Variants in USP6NL observed in about 807,000 individuals in gnomAD.
The protein encoded by USP6NL is USP6 N-terminal like, also known as USP6 N-terminal-like protein.
A neutral mutation model predicts 61.9 loss-of-function variants in USP6NL; 26 were observed. The ratio of observed to expected loss-of-function variants is 0.42; its 90% confidence interval spans 0.31 to 0.58. The LOEUF (loss-of-function observed/expected upper bound fraction) is 0.58. Among genes scored for constraint, USP6NL ranks in the 20% least tolerant of loss-of-function variants. The pLI is 0.16. For missense variants in USP6NL, 1,114 were observed against 1,034.3 expected (o/e 1.08, Z -1.06); for synonymous variants, 432 against 390.1 (o/e 1.11, Z -1.27).
rs147551228 is a variant in USP6NL, at chr10:11,586,706, A to C, written c.4+10925T>G. ...TTAATGTTGTGGTTAACAACAAGAA[A>C]AGGGGGTTGTGGAAAATGAAGAAAA... is the stretch of plus-strand genomic sequence containing the variant. On this transcript the variant is annotated intron_variant, in intron 2 of 14. Transcript: ENST00000609104. 7.5e-3 allele frequency among the ~76,000 whole-genome samples: 1,139 copies of C among 152,302 alleles called. 11 individuals are homozygous for C. Among genetic ancestry groups the C allele is most frequent in the Non-Finnish European group, 0.012 (801 of 68,022 alleles).
At chr10:11,506,293 G>A (rs757796358) in intron 6 of USP6NL, among the ~76,000 whole-genome samples, 6 of 152,178 alleles carry the variant, frequency 3.9e-5, no homozygotes. Flanking sequence ...ATCATGACCA[G>A]TTAAATCATA....
intron 2 of USP6NL, among the ~76,000 whole-genome samples, chr10:11,533,843 T>C (rs1306204546): frequency 6.6e-6 from 1 of 152,164 alleles, no homozygotes; most frequent in Non-Finnish European, 1.5e-5. Flanking sequence ...GAAAAAAGAA[T>C]TTGAGAGTAT....
At chr10:11,479,321 T>C (rs775760161) in intron 14 of USP6NL, among the ~76,000 whole-genome samples, 166 of 152,188 alleles carry the variant, frequency 1.1e-3, no homozygotes, top group Non-Finnish European at 1.9e-3. Flanking sequence ...GGGCAACAGA[T>C]GAACAGGGAA....
Position 11,462,916 on chromosome 10 carries a change from T to C in USP6NL, c.2012A>G (p.His671Arg), listed in dbSNP as rs546702568. 1.9e-6 allele frequency: 3 copies of C among 1,613,428 alleles called. No homozygotes were observed. Among genetic ancestry groups the C allele is most frequent in the East Asian group, 2.2e-5 (1 of 44,858 alleles). Residue 671 changes from histidine (H) to arginine (R), a missense_variant, in exon 15 of 15, where the codon CAT becomes CGT. Coordinates refer to ENST00000609104, the MANE Select transcript of USP6NL (RefSeq NM_014688.5). ...GTQLNPSRRPHGSTLSVSASP... is the reference protein window; with the variant it reads ...GTQLNPSRRPRGSTLSVSASP... ...AGCACTGACGGAAAGAGTAGAACCATGAGGTCTCCTGGAAGGATTCAGTTG... is the reference window on the plus strand; with the variant it reads ...AGCACTGACGGAAAGAGTAGAACCACGAGGTCTCCTGGAAGGATTCAGTTG...
chr10:11,516,400 TA>T (rs1834959893), intron 5 of USP6NL, among the ~76,000 whole-genome samples: 1 of 152,182 alleles, frequency 6.6e-6, no homozygotes, highest in Non-Finnish European at 1.5e-5. Flanking sequence ...TTTAAAAATG[TA>T]AACTTTTTTT....
At chr10:11,566,976 C>T (rs569506060) in intron 2 of USP6NL, among the ~76,000 whole-genome samples, 7 of 152,126 alleles carry the variant, frequency 4.6e-5, no homozygotes, top group South Asian at 2.1e-4. Flanking sequence ...TAGCCAGGCA[C>T]GGTGGCGCAT....
chr10:11,533,432 T>A (rs1160251565), intron 2 of USP6NL, among the ~76,000 whole-genome samples: 1 of 152,204 alleles, frequency 6.6e-6, no homozygotes, highest in African/African-American at 2.4e-5. Flanking sequence ...GCAAAAGTGA[T>A]TACAGATGTA....
At chr10:11,550,488 G>C (rs1238133214) in intron 2 of USP6NL, among the ~76,000 whole-genome samples, 3 of 152,144 alleles carry the variant, frequency 2.0e-5, no homozygotes, top group Non-Finnish European at 4.4e-5. Flanking sequence ...GAGCACTGTG[G>C]CTCACACCTG....
chr10:11,519,939 G>C (rs1835138478), intron 4 of USP6NL, among the ~76,000 whole-genome samples: 1 of 152,162 alleles, frequency 6.6e-6, no homozygotes, highest in Non-Finnish European at 1.5e-5. Flanking sequence ...TGAAGAGCAT[G>C]ATAGAGCGGT....
chr10:11,590,965 G>C (rs1838142920), intron 2 of USP6NL, among the ~76,000 whole-genome samples: 1 of 152,026 alleles, frequency 6.6e-6, no homozygotes, highest in Admixed American at 6.5e-5. Flanking sequence ...ACTCCTATAA[G>C]ACAAAATTAG....
chr10:11,462,500 G>C lies in USP6NL; in HGVS notation c.2428C>G (p.Pro810Ala). The change falls in exon 15 of 15, where the codon CCA becomes GCA. Residue 810 changes from proline (P) to alanine (A), a missense_variant. Pro to Ala is a conservative substitution (Grantham distance 27). Coordinates refer to ENST00000609104, the MANE Select transcript of USP6NL (RefSeq NM_014688.5). ...TCCCGATTCCTGTAGTGGTAGGCTG[G>C]AGGCGGGGGCCCTGAATATGGATAT... is the stretch of plus-strand genomic sequence containing the variant. ...SGYPYSGPPP[P>A]AYHYRNRDGL... 1 of 1,614,026 alleles carries C rather than the reference G, an allele frequency of 6.2e-7. No individual in the cohort carries two copies. The highest frequency in any genetic ancestry group is 8.5e-7 in the Non-Finnish European group (1 of 1,179,898).
chr10:11,576,964 T>C (rs934877439), intron 2 of USP6NL, among the ~76,000 whole-genome samples: 2 of 152,278 alleles, frequency 1.3e-5, no homozygotes, highest in Middle Eastern at 3.4e-3. Context: ...ATTTTTCAGA[T>C]ACAAAGTTTT....
In USP6NL at chr10:11,520,353, A is replaced by G. The variant is rs1370474934; in HGVS notation, c.156-1779T>C. Among the ~76,000 whole-genome samples the G allele has an allele frequency of 1.3e-5, 2 of 152,220 alleles. No individual in the cohort carries two copies. Among genetic ancestry groups the G allele is most frequent in the Non-Finnish European group, 1.5e-5 (1 of 68,042 alleles). On this transcript the variant is annotated intron_variant, in intron 4 of 14. Coordinates refer to ENST00000609104, the MANE Select transcript of USP6NL (RefSeq NM_014688.5). The surrounding 1 kb of genome is among the most constrained non-coding windows in gnomAD (Gnocchi z 5.2). ...GATTTCTCCATATCTAAAACTTTTC[A>G]TGGAGAATCTGCTGTGTGCATACCA... is the stretch of plus-strand genomic sequence containing the variant.
chr10:11,594,387 C>A (rs1308822617), intron 2 of USP6NL, among the ~76,000 whole-genome samples: 3 of 152,208 alleles, frequency 2.0e-5, no homozygotes, highest in Non-Finnish European at 2.9e-5. Flanking sequence ...TTTTAACCGA[C>A]ATCTAACAAA....
At chr10:11,536,123 T>C (rs952591939) in intron 2 of USP6NL, among the ~76,000 whole-genome samples, 1 of 152,198 alleles carries the variant, frequency 6.6e-6, no homozygotes, top group African/African-American at 2.4e-5. Context: ...AGATGAAATA[T>C]GGGAACCTAA....
At chr10:11,524,617 C>T (rs1008144996) in intron 4 of USP6NL, among the ~76,000 whole-genome samples, 5 of 152,034 alleles carry the variant, frequency 3.3e-5, no homozygotes, top group African/African-American at 9.7e-5. Flanking sequence ...ATACAAAAAA[C>T]GAATGTTTTT....
chr10:11,493,607 T>G (rs1184747127), intron 7 of USP6NL, among the ~76,000 whole-genome samples: 18 of 152,254 alleles, frequency 1.2e-4, no homozygotes, highest in Admixed American at 1.2e-3. Flanking sequence ...TTTGTTTTCC[T>G]TGAAGCTAAT....
chr10:11,552,324 T>C (rs1398674273), intron 2 of USP6NL, among the ~76,000 whole-genome samples: 1 of 152,284 alleles, frequency 6.6e-6, no homozygotes, highest in Non-Finnish European at 1.5e-5. Flanking sequence ...GGATAGTGAG[T>C]CATCCTTCAG....
In USP6NL at chr10:11,495,922, G is replaced by A. The variant is rs546874796; in HGVS notation, c.385-2694C>T. ...TGTGATCCTGCTCGTGGAGGCATGT[G>A]GCCAAGCAGTTGGACTGGGGTTCCC... On this transcript the variant is annotated intron_variant, in intron 7 of 14. Transcript: ENST00000609104. The surrounding 1 kb of genome is among the most constrained non-coding windows in gnomAD (Gnocchi z 4.6). 1.3e-5 allele frequency among the ~76,000 whole-genome samples: 2 copies of A among 152,316 alleles called. No individual in the cohort carries two copies. The highest frequency in any genetic ancestry group is 4.1e-4 in the South Asian group (2 of 4,830).
Sources: allele counts gnomAD v4.1 joint callset (sites outside exome capture counted in the v4.1 genomes callset), GRCh38; gene constraint gnomAD v4.1.1; non-coding constraint Gnocchi (gnomAD v3.1); transcripts MANE v1.5; gene names NCBI Gene and HGNC (gene_info 2026-07-23, HGNC 2026-07-21).